MNAT1: variants seen among roughly 807,000 people sequenced by gnomAD.
The protein encoded by MNAT1 is CDK-activating kinase assembly factor MAT1.
Under a neutral mutation model 42.0 loss-of-function variants are expected in MNAT1, and 43 were observed. The observed-to-expected ratio is 1.02, with a 90% confidence interval of 0.80 to 1.32. MNAT1 has a LOEUF of 1.32. MNAT1 is among the 40% of genes most tolerant of loss of function. The pLI is 0.00. For synonymous variants in MNAT1, 118 were observed against 120.0 expected (o/e 0.98, Z 0.11); for missense variants, 306 against 350.4 (o/e 0.87, Z 1.01).
intron 1 of MNAT1, among the ~76,000 whole-genome samples, chr14:60,785,398 TATTA>T (rs1174061069): frequency 6.6e-6 from 1 of 152,258 alleles, no homozygotes; most frequent in Non-Finnish European, 1.5e-5. Context: ...TCTGTTATTT[TATTA>T]ATTGATTTTC....
At chr14:60,957,641 T>C (rs78402678) in intron 7 of MNAT1, among the ~76,000 whole-genome samples, 54 of 152,340 alleles carry the variant, frequency 3.5e-4, no homozygotes, top group Non-Finnish European at 5.7e-4. Context: ...TCTTATATTT[T>C]ATGTTTTCTG....
At chr14:60,873,368 C>G (rs1007227819) in intron 6 of MNAT1, among the ~76,000 whole-genome samples, 1 of 152,044 alleles carries the variant, frequency 6.6e-6, no homozygotes, top group African/African-American at 2.4e-5. Flanking sequence ...ATTTTATACC[C>G]ATTTTGGACA....
intron 1 of MNAT1, chr14:60,780,191 C>T (rs2031407382): frequency 6.7e-6 from 10 of 1,503,748 alleles, no homozygotes; most frequent in Non-Finnish European, 9.3e-6. Context: ...GGTGGAACAA[C>T]TAAAAGATTG....
At chr14:60,934,451 TG>T (rs1454938489) in intron 7 of MNAT1, among the ~76,000 whole-genome samples, 2 of 152,144 alleles carry the variant, frequency 1.3e-5, no homozygotes, top group Non-Finnish European at 2.9e-5. Flanking sequence ...CCATGTGTCG[TG>T]GGAGGGACCC....
At chr14:60,950,131 T>C (rs1462557918) in intron 7 of MNAT1, among the ~76,000 whole-genome samples, 3 of 152,200 alleles carry the variant, frequency 2.0e-5, no homozygotes, top group Non-Finnish European at 4.4e-5. Flanking sequence ...TTCTAGTGTA[T>C]GAAATAAAGC....
At chr14:60,814,606 G>A (rs1474719205) in intron 5 of MNAT1, among the ~76,000 whole-genome samples, 3 of 152,052 alleles carry the variant, frequency 2.0e-5, no homozygotes, top group Admixed American at 2.0e-4. Flanking sequence ...TGCCAAAAAA[G>A]CATTTAAGTC....
chr14:60,963,618 C>A (rs1402874151), intron 7 of MNAT1, among the ~76,000 whole-genome samples: 2 of 152,048 alleles, frequency 1.3e-5, no homozygotes, highest in Non-Finnish European at 2.9e-5. Context: ...GCTGATCTCT[C>A]TTAATGGCAG....
At chr14:60,832,758 T>A (rs558421109) in intron 6 of MNAT1, among the ~76,000 whole-genome samples, 28 of 152,204 alleles carry the variant, frequency 1.8e-4, no homozygotes, top group Admixed American at 1.3e-3. Context: ...GACTGTGAAT[T>A]TCTTTGGGAA....
At chr14:60,846,557 A>G (rs1021996348) in intron 6 of MNAT1, among the ~76,000 whole-genome samples, 4 of 152,156 alleles carry the variant, frequency 2.6e-5, no homozygotes, top group Non-Finnish European at 5.9e-5. Context: ...TAAAGCTATA[A>G]TACCTCTACA....
At chr14:60,909,565 A>G (rs2035297490) in intron 7 of MNAT1, among the ~76,000 whole-genome samples, 1 of 152,084 alleles carries the variant, frequency 6.6e-6, no homozygotes, top group South Asian at 2.1e-4. Flanking sequence ...TCCCAGCACC[A>G]TTTATTAAAT....
At chr14:60,938,567 G>A (rs2036063122) in intron 7 of MNAT1, among the ~76,000 whole-genome samples, 1 of 152,172 alleles carries the variant, frequency 6.6e-6, no homozygotes, top group Admixed American at 6.5e-5. Flanking sequence ...TTGCATCCCA[G>A]GAATGAAGCC....
intron 6 of MNAT1, among the ~76,000 whole-genome samples, chr14:60,862,534 C>T (rs1052617782): frequency 1.3e-5 from 2 of 152,078 alleles, no homozygotes; most frequent in East Asian, 1.9e-4. Flanking sequence ...TCAACTTGTC[C>T]GTGAGGATTT....
chr14:60,946,467 T>C (rs1594900562), intron 7 of MNAT1, among the ~76,000 whole-genome samples: 1 of 152,188 alleles, frequency 6.6e-6, no homozygotes, highest in Admixed American at 6.5e-5. Context: ...CGAACCATTC[T>C]CTTATTCTTC....
chr14:60,887,311 C>G (rs575538227), intron 7 of MNAT1, among the ~76,000 whole-genome samples: 1 of 151,426 alleles, frequency 6.6e-6, no homozygotes, highest in Admixed American at 6.6e-5. Flanking sequence ...CATATGCATA[C>G]ATGTGCCATG....
chr14:60,757,537 G>A (rs1190746032), intron 1 of MNAT1, among the ~76,000 whole-genome samples: 2 of 152,176 alleles, frequency 1.3e-5, no homozygotes, highest in Non-Finnish European at 2.9e-5. Context: ...GAACCAAACA[G>A]CAGCTATGAG....
chr14:60,889,046 G>A (rs1019508472), intron 7 of MNAT1, among the ~76,000 whole-genome samples: 1 of 148,748 alleles, frequency 6.7e-6, no homozygotes, highest in Non-Finnish European at 1.5e-5. Flanking sequence ...TAGATTCAAT[G>A]CCATCCCCAT....
chr14:60,879,364 G>A (rs1486096625), intron 6 of MNAT1, among the ~76,000 whole-genome samples: 5 of 152,130 alleles, frequency 3.3e-5, no homozygotes, highest in African/African-American at 9.7e-5. Flanking sequence ...TGGTGCAAAT[G>A]TTTTTAAAAT....
chr14:60,908,591 C>G (rs369301093), intron 7 of MNAT1, among the ~76,000 whole-genome samples: 4 of 151,582 alleles, frequency 2.6e-5, no homozygotes, highest in Non-Finnish European at 4.4e-5. Context: ...TTTGTCCTTG[C>G]GATAGTTTGC....
chr14:60,959,428 T>G (rs2036548225), intron 7 of MNAT1, among the ~76,000 whole-genome samples: 1 of 152,200 alleles, frequency 6.6e-6, no homozygotes, highest in Non-Finnish European at 1.5e-5. Context: ...TTCAGCAATC[T>G]GGGTGGGGTA....
Sources: gnomAD v4.1 joint callset for allele counts (sites outside exome capture counted in the v4.1 genomes callset) on GRCh38, gnomAD v4.1.1 for gene constraint, MANE v1.5 for transcripts, NCBI Gene and HGNC (gene_info 2026-07-23, HGNC 2026-07-21) for gene names.